The following PARD3B variants were observed in gnomAD, a reference collection of about 807,000 sequenced individuals.
The protein encoded by PARD3B is par-3 family cell polarity regulator beta, also known as partitioning defective 3 homolog B.
In PARD3B, 103 loss-of-function variants were observed where a neutral mutation model predicts 130.2. The observed-to-expected ratio is 0.79, with a 90% CI of 0.67 to 0.93. The LOEUF is 0.93. PARD3B is among the 40% of genes least tolerant of loss of function. The pLI, the probability that PARD3B is intolerant of heterozygous loss-of-function variation, is 0.00. For synonymous variants in PARD3B, 583 were observed against 553.2 expected (o/e 1.05, Z -0.76); for missense variants, 1,609 against 1,499.2 (o/e 1.07, Z -1.21).
rs1390202470 is a variant in PARD3B at position 205,380,630 on chromosome 2, AATATT to A, written c.2631-20378_2631-20374del. Among the ~76,000 whole-genome samples, 236 of 83,020 alleles carry A rather than the reference AATATT, an allele frequency of 2.8e-3. 35 individuals are homozygous for A. The highest frequency in any genetic ancestry group is 0.014 in the African/African-American group (234 of 17,194). 54.5% of individuals were successfully genotyped at this position (83,020 alleles called of 152,430 possible). ...TATATATTATATATATTATATAAAG[AATATT>A]ATATATTATATAAAGAATATATATT... On this transcript the variant is annotated intron_variant, in intron 18 of 22. Transcript: ENST00000406610.
chr2:204,612,877 A>C (rs1182709874), intron 1 of PARD3B, among the ~76,000 whole-genome samples: 1 of 152,034 alleles, frequency 6.6e-6, no homozygotes, highest in African/African-American at 2.4e-5. Context: ...TATGATAAAT[A>C]ATAGTTTAGT....
At chr2:204,649,702 G>C (rs1192594247) in intron 1 of PARD3B, among the ~76,000 whole-genome samples, 1 of 152,142 alleles carries the variant, frequency 6.6e-6, no homozygotes, top group African/African-American at 2.4e-5. Context: ...TTGGATAACT[G>C]GCTAGCCATA....
At chr2:204,868,947 T>A (rs183832847) in intron 2 of PARD3B, among the ~76,000 whole-genome samples, 2 of 152,192 alleles carry the variant, frequency 1.3e-5, no homozygotes, top group African/African-American at 2.4e-5. Flanking sequence ...TCAGGTGTTA[T>A]ACTTATCCGT....
chr2:205,035,108 C>CA (rs1697717480), intron 3 of PARD3B, among the ~76,000 whole-genome samples: 1 of 152,106 alleles, frequency 6.6e-6, no homozygotes, highest in African/African-American at 2.4e-5. Context: ...GGTGATCCCC[C>CA]CCCCTCAGCC....
intron 12 of PARD3B, among the ~76,000 whole-genome samples, chr2:205,174,550 G>A (rs2035357745): frequency 6.6e-6 from 1 of 152,118 alleles, no homozygotes; most frequent in African/African-American, 2.4e-5. Flanking sequence ...CTGTGTCAGA[G>A]CATATTTTGT....
Position 204,582,465 on chromosome 2 carries a change from A to G in PARD3B, c.120+36346A>G, listed in dbSNP as rs191280774. Among the ~76,000 whole-genome samples the G allele has an allele frequency of 3.3e-5, 5 of 151,522 alleles. No individual in the cohort carries two copies. The Admixed American group carries it at 3.3e-4, about 10-fold the overall frequency. On this transcript the variant is annotated intron_variant, in intron 1 of 22. Transcript: ENST00000406610. The stretch of plus-strand genomic sequence containing the variant: ...ATTAGTTTTTTCTTGACTATCAAGA[A>G]AGAAGGGAAACAAGTTTGAGTGAAA...
chr2:205,414,454 TAATC>T (rs2046706415), intron 19 of PARD3B, among the ~76,000 whole-genome samples: 1 of 152,176 alleles, frequency 6.6e-6, no homozygotes, highest in Admixed American at 6.6e-5. Flanking sequence ...AACATTTTAT[TAATC>T]AGTAGGAAAA....
At chr2:205,032,186 G>A (rs527317754) in intron 3 of PARD3B, among the ~76,000 whole-genome samples, 2 of 152,126 alleles carry the variant, frequency 1.3e-5, no homozygotes, top group Admixed American at 6.6e-5. Context: ...ATAATAATCC[G>A]TGGATCATTG....
chr2:205,282,828 C>A (rs2041242574), intron 16 of PARD3B, among the ~76,000 whole-genome samples: 1 of 152,082 alleles, frequency 6.6e-6, no homozygotes, highest in African/African-American at 2.4e-5. Context: ...TGCAGTATTC[C>A]AGAGAACAAA....
intron 1 of PARD3B, among the ~76,000 whole-genome samples, chr2:204,595,621 T>G (rs2125099212): frequency 6.6e-6 from 1 of 152,350 alleles, no homozygotes; most frequent in African/African-American, 2.4e-5. Flanking sequence ...GTGGGACATT[T>G]CTGTATGTTA....
chr2:204,948,699 C>T (rs1008665611), intron 2 of PARD3B, among the ~76,000 whole-genome samples: 2 of 152,142 alleles, frequency 1.3e-5, no homozygotes, highest in Non-Finnish European at 1.5e-5. Context: ...ATTGGTTGTC[C>T]GCACTCACTT....
chr2:205,503,553 C>A (rs931267368), intron 21 of PARD3B, among the ~76,000 whole-genome samples: 1 of 152,044 alleles, frequency 6.6e-6, no homozygotes, highest in Non-Finnish European at 1.5e-5. Flanking sequence ...GGTACCAGTA[C>A]CATGCTGTTT....
chr2:204,848,330 A>C, intron 2 of PARD3B, among the ~76,000 whole-genome samples: 1 of 152,142 alleles, frequency 6.6e-6, no homozygotes, highest in African/African-American at 2.4e-5. Context: ...TTCTGTTTTT[A>C]GAAGTTAGTA....
chr2:204,860,067 TG>T (rs2045119495), intron 2 of PARD3B, among the ~76,000 whole-genome samples: 1 of 152,206 alleles, frequency 6.6e-6, no homozygotes, highest in Non-Finnish European at 1.5e-5. Context: ...AAATACGGAT[TG>T]TTTTCCCCTT....
At chr2:205,555,220 A>G (rs909642537) in intron 22 of PARD3B, among the ~76,000 whole-genome samples, 1 of 152,196 alleles carries the variant, frequency 6.6e-6, no homozygotes, top group African/African-American at 2.4e-5. Context: ...GGTACAATTC[A>G]GAGGCACAGA....
chr2:205,448,109 T>C (rs929338300), intron 20 of PARD3B, among the ~76,000 whole-genome samples: 2 of 152,226 alleles, frequency 1.3e-5, no homozygotes, highest in African/African-American at 4.8e-5. Flanking sequence ...GTATAATCAT[T>C]TCTTCGGCAT....
chr2:205,016,815 C>A (rs1696183291), intron 3 of PARD3B, among the ~76,000 whole-genome samples: 1 of 152,126 alleles, frequency 6.6e-6, no homozygotes, highest in Non-Finnish European at 1.5e-5. Context: ...ATTCTCAATT[C>A]TTAGCCTACT....
chr2:205,583,568 T>C (rs1395498672), intron 22 of PARD3B, among the ~76,000 whole-genome samples: 1 of 152,232 alleles, frequency 6.6e-6, no homozygotes, highest in Non-Finnish European at 1.5e-5. Context: ...ATGTTATGTG[T>C]ATTCACTCAT....
At chr2:205,442,289 C>CTTTTTT (rs2047742370) in intron 20 of PARD3B, among the ~76,000 whole-genome samples, 1 of 126,688 alleles carries the variant, frequency 7.9e-6, no homozygotes, top group African/African-American at 3.6e-5. Context: ...AACAGGTTTT[C>CTTTTTT]CTTTTTTTTT....
Sources: gnomAD v4.1 joint callset for allele counts (sites outside exome capture counted in the v4.1 genomes callset) on GRCh38, gnomAD v4.1.1 for gene constraint, MANE v1.5 for transcripts, NCBI Gene and HGNC (gene_info 2026-07-23, HGNC 2026-07-21) for gene names.